The following AGBL4 variants were observed in gnomAD, a reference collection of about 807,000 sequenced individuals.
The protein encoded by AGBL4 is cytosolic carboxypeptidase 6.
AGBL4 carries 58 observed loss-of-function variants against 66.4 expected under a neutral mutation model. That is an observed-to-expected ratio of 0.87 (90% CI 0.71 to 1.09). The LOEUF is 1.09. Among genes scored for constraint, AGBL4 ranks in the 50% least tolerant of loss-of-function variants. The pLI, the probability that AGBL4 is intolerant of heterozygous loss-of-function variation, is 0.00. For missense variants in AGBL4, 579 were observed against 631.0 expected (o/e 0.92, Z 0.88); for synonymous variants, 234 against 222.9 (o/e 1.05, Z -0.44).
chr1:48,634,330 G>T (rs1419810837), intron 9 of AGBL4, 163 bp downstream of exon 9: 1 of 529,294 alleles, frequency 1.9e-6, no homozygotes, highest in African/African-American at 1.9e-5. Flanking sequence ...TTGGGAGAAG[G>T]TCCTTGGGTC....
intron 3 of AGBL4, among the ~76,000 whole-genome samples, chr1:49,535,327 TATA>T (rs1037046235): frequency 6.7e-6 from 1 of 148,286 alleles, no homozygotes; most frequent in Admixed American, 6.8e-5. Flanking sequence ...ATTAATATAA[TATA>T]ATATGTAATA....
chr1:49,965,062 G>A (rs1361642168), intron 1 of AGBL4, among the ~76,000 whole-genome samples: 3 of 152,142 alleles, frequency 2.0e-5, no homozygotes, highest in Non-Finnish European at 2.9e-5. Context: ...TTGTATCCAT[G>A]ATTGGGCAAG....
intron 11 of AGBL4, among the ~76,000 whole-genome samples, chr1:48,560,229 T>G (rs926432127): frequency 6.6e-6 from 1 of 152,218 alleles, no homozygotes; most frequent in African/African-American, 2.4e-5. Flanking sequence ...AGTTAGTGTA[T>G]GCTGGTAACT....
At chr1:49,716,393 C>A (rs1648139411) in intron 2 of AGBL4, among the ~76,000 whole-genome samples, 1 of 152,048 alleles carries the variant, frequency 6.6e-6, no homozygotes, top group African/African-American at 2.4e-5. Flanking sequence ...CGTGGTGCCT[C>A]CAGCTTTCTT....
rs531768006 is a variant in AGBL4 at position 49,821,497 on chromosome 1, A to G, written c.157+29899T>C. On this transcript the variant is annotated intron_variant, in intron 2 of 13. Coordinates refer to ENST00000371839, the MANE Select transcript of AGBL4 (RefSeq NM_032785.4). ...ACTGATAGACTTACCTTAACTACCT[A>G]AAAGTCCTAAGGATGATGTGGGAAT... Among the ~76,000 whole-genome samples the G allele has an allele frequency of 3.9e-5, 6 of 152,318 alleles. No homozygotes were observed. In the East Asian group the frequency reaches 1.2e-3, roughly 29 times the overall value.
rs145976575 is a variant in AGBL4, at chr1:49,978,404, A to T, written c.34+45359T>A. ...GACTGCAGTGAGCTCTGACTGTGCCACTGCCCTCTAGCCTAGGCAACAGAG... is the reference window on the plus strand; with the variant it reads ...GACTGCAGTGAGCTCTGACTGTGCCTCTGCCCTCTAGCCTAGGCAACAGAG... On this transcript the variant is annotated intron_variant, in intron 1 of 13. Transcript: ENST00000371839. Among the ~76,000 whole-genome samples, 262 of 152,306 alleles carry T rather than the reference A, an allele frequency of 1.7e-3. 2 individuals carry two copies. The highest frequency in any genetic ancestry group is 6.0e-3 in the African/African-American group (248 of 41,578).
intron 6 of AGBL4, among the ~76,000 whole-genome samples, chr1:48,795,734 C>T (rs1236281324): frequency 6.6e-6 from 1 of 152,182 alleles, no homozygotes; most frequent in Non-Finnish European, 1.5e-5. Context: ...CTCACTGCAG[C>T]CTCCGCCTCC....
chr1:49,859,399 T>C (rs537080530), intron 1 of AGBL4, among the ~76,000 whole-genome samples: 33 of 152,306 alleles, frequency 2.2e-4, no homozygotes, highest in African/African-American at 7.9e-4. Context: ...AAGCACAATT[T>C]ATCTTGGGTG....
At chr1:49,967,684 T>C (rs551655150) in intron 1 of AGBL4, among the ~76,000 whole-genome samples, 1 of 152,298 alleles carries the variant, frequency 6.6e-6, no homozygotes, top group African/African-American at 2.4e-5. Context: ...GATTATACTG[T>C]TGATTTATAC....
chr1:48,930,372 T>C (rs568320123), intron 5 of AGBL4, among the ~76,000 whole-genome samples: 1 of 152,244 alleles, frequency 6.6e-6, no homozygotes, highest in South Asian at 2.1e-4. Context: ...TTTTAGTTGT[T>C]GTTGTTTTGA....
intron 3 of AGBL4, among the ~76,000 whole-genome samples, chr1:49,249,738 G>A (rs1361087485): frequency 6.6e-6 from 1 of 152,104 alleles, no homozygotes; most frequent in Admixed American, 6.5e-5. Context: ...CAAAGGAAAG[G>A]AAATCAGTAC....
chr1:48,812,746 G>C (rs113122176), intron 6 of AGBL4, among the ~76,000 whole-genome samples: 10,525 of 152,054 alleles, frequency 0.069, 465 homozygotes, highest in East Asian at 0.17. Flanking sequence ...TTAAGAAAAT[G>C]TGGCACATAT....
At chr1:49,236,874 G>A (rs1650792225) in intron 4 of AGBL4, among the ~76,000 whole-genome samples, 1 of 152,050 alleles carries the variant, frequency 6.6e-6, no homozygotes, top group Admixed American at 6.6e-5. Context: ...ATTCCCGCAT[G>A]TCATGGGAGA....
chr1:49,039,614 C>T (rs1266667244), intron 5 of AGBL4, among the ~76,000 whole-genome samples: 3 of 152,018 alleles, frequency 2.0e-5, no homozygotes, highest in Non-Finnish European at 4.4e-5. Flanking sequence ...TTTCAACAAG[C>T]GGTGCTGGAA....
intron 3 of AGBL4, among the ~76,000 whole-genome samples, chr1:49,280,022 A>G (rs1570317832): frequency 1.3e-5 from 2 of 152,278 alleles, no homozygotes; most frequent in Admixed American, 6.5e-5. Context: ...TGCAGATAAC[A>G]TTACTATTGT....
intron 2 of AGBL4, chr1:49,845,436 C>G: frequency 6.8e-7 from 1 of 1,460,982 alleles, no homozygotes; most frequent in Non-Finnish European, 9.6e-7. Flanking sequence ...GTGGGAAAGC[C>G]TTCCAGCAAA....
At chr1:48,973,190 G>A (rs1571135981) in intron 5 of AGBL4, among the ~76,000 whole-genome samples, 1 of 152,210 alleles carries the variant, frequency 6.6e-6, no homozygotes, top group African/African-American at 2.4e-5. Flanking sequence ...AAGTTATTGT[G>A]GTGGTAGTCC....
chr1:49,014,060 C>T (rs1203506463), intron 5 of AGBL4, among the ~76,000 whole-genome samples: 2 of 152,122 alleles, frequency 1.3e-5, no homozygotes, highest in Non-Finnish European at 2.9e-5. Flanking sequence ...CTCTCTAATG[C>T]AATAAAAAAA....
intron 6 of AGBL4, among the ~76,000 whole-genome samples, chr1:48,866,121 T>C (rs1044745169): frequency 1.3e-5 from 2 of 152,148 alleles, no homozygotes; most frequent in Non-Finnish European, 2.9e-5. Flanking sequence ...TTGCAGTCAC[T>C]TTTTTATACC....
Sources: allele counts gnomAD v4.1 joint callset (sites outside exome capture counted in the v4.1 genomes callset), GRCh38; gene constraint gnomAD v4.1.1; transcripts MANE v1.5; gene names NCBI Gene and HGNC (gene_info 2026-07-23, HGNC 2026-07-21).